The following MACF1 variants were observed in gnomAD, a reference collection of about 807,000 sequenced individuals.
MACF1 encodes microtubule actin crosslinking factor 1, also known as microtubule-actin cross-linking factor 1.
A neutral mutation model predicts 854.8 loss-of-function variants in MACF1; 193 were observed. That is an observed-to-expected ratio of 0.23 (90% CI 0.20 to 0.25). The LOEUF (loss-of-function observed/expected upper bound fraction) is 0.25, where lower values mean the gene tolerates loss of function less well. MACF1 is among the 10% of genes least tolerant of loss of function. The pLI, the probability that MACF1 is intolerant of heterozygous loss-of-function variation, is 1.00. For missense variants in MACF1, 7,722 were observed against 8,929.1 expected, an observed-to-expected ratio of 0.86 and a Z score of 5.45; for synonymous variants, 3,185 against 3,226.7, an observed-to-expected ratio of 0.99 and a Z score of 0.44.
At chr1:39,133,778 A>G (rs1643081101) in intron 2 of MACF1, among the ~76,000 whole-genome samples, 2 of 152,198 alleles carry the variant, frequency 1.3e-5, no homozygotes, top group South Asian at 4.1e-4. Context: ...TGTTTGCTGT[A>G]CAATACATCT....
intron 2 of MACF1, among the ~76,000 whole-genome samples, chr1:39,192,084 G>A (rs1644260958): frequency 6.6e-6 from 1 of 152,070 alleles, no homozygotes; most frequent in Non-Finnish European, 1.5e-5. Flanking sequence ...CTGGGAAGTG[G>A]AGATTGCAGT....
chr1:39,335,623 A>C lies in MACF1; in HGVS notation c.9035A>C (p.His3012Pro). 1 of 1,614,190 alleles carries C rather than the reference A, an allele frequency of 6.2e-7. No individual in the cohort carries two copies. The highest frequency in any genetic ancestry group is 2.2e-5 in the East Asian group (1 of 44,882). The change falls in exon 37 of 101, where the codon CAT becomes CCT. Residue 3012 changes from histidine (H) to proline (P), a missense_variant. Physicochemically the swap from His to Pro is moderately conservative, Grantham distance 77. Coordinates refer to ENST00000564288, the MANE Select transcript of MACF1 (RefSeq NM_001394062.1). ...GCCATTAGAGATGAGCATGACTCCCATATAAAGAGCCAACCTAGGGAAATG... is the reference window on the plus strand; with the variant it reads ...GCCATTAGAGATGAGCATGACTCCCCTATAAAGAGCCAACCTAGGGAAATG... ...ETAIRDEHDS[H>P]IKSQPREMTS...
chr1:39,427,928 T>C (rs1018847178), intron 62 of MACF1, 33 bp from the exon 63 acceptor site: 1 of 1,472,028 alleles, frequency 6.8e-7, no homozygotes, highest in Non-Finnish European at 9.3e-7. Context: ...TTATTTTGTT[T>C]CTGTTATTCA....
intron 97 of MACF1, among the ~76,000 whole-genome samples, chr1:39,477,137 C>CACACACAT (rs1644921620): frequency 2.0e-5 from 1 of 49,966 alleles, no homozygotes; most frequent in Non-Finnish European, 5.8e-5. Context: ...TATATATATA[C>CACACACAT]ACACACACAC....
At chr1:39,187,907 C>CTCCTCTCTCCT (rs1220451967) in intron 2 of MACF1, among the ~76,000 whole-genome samples, 114 of 14,148 alleles carry the variant, frequency 8.1e-3, no homozygotes, top group African/African-American at 0.013. Context: ...TCTCTCCTCT[C>CTCCTCTCTCCT]TCCTTCCTTC....
chr1:39,392,093 G>A (rs1264192239), intron 58 of MACF1, among the ~76,000 whole-genome samples: 2 of 152,208 alleles, frequency 1.3e-5, no homozygotes, highest in Non-Finnish European at 2.9e-5. Flanking sequence ...CAAAAGCCCT[G>A]TTCCACCTGT....
intron 2 of MACF1, among the ~76,000 whole-genome samples, chr1:39,189,673 T>G (rs1290758169): frequency 6.6e-6 from 1 of 152,202 alleles, no homozygotes; most frequent in Admixed American, 6.6e-5. Flanking sequence ...AGGTTATATT[T>G]CTTATCTATG....
chr1:39,316,354 C>G (rs1646411949), intron 27 of MACF1, 37 bp from the exon 28 acceptor site: 2 of 1,560,372 alleles, frequency 1.3e-6, no homozygotes, highest in African/African-American at 2.7e-5. Context: ...TCCTAAAATT[C>G]ATGTGTTAAT....
chr1:39,378,165 T>A (rs1218523208), intron 52 of MACF1, among the ~76,000 whole-genome samples: 1 of 152,226 alleles, frequency 6.6e-6, no homozygotes, highest in East Asian at 1.9e-4. Context: ...ATTTTACCAG[T>A]ACTTGCTTCA....
intron 2 of MACF1, among the ~76,000 whole-genome samples, chr1:39,155,334 G>C (rs1470523591): frequency 6.6e-6 from 1 of 152,202 alleles, no homozygotes; most frequent in East Asian, 1.9e-4. Flanking sequence ...AATGCACTTA[G>C]TTCAAGTGGT....
chr1:39,428,392 CTTTAT>C (rs1316933357), intron 63 of MACF1, 105 bp downstream of exon 63: 2 of 1,132,766 alleles, frequency 1.8e-6, no homozygotes, highest in Non-Finnish European at 2.5e-6. Context: ...AACACTTCAA[CTTTAT>C]TTTATACACA....
intron 22 of MACF1, among the ~76,000 whole-genome samples, chr1:39,301,859 A>G (rs1646051390): frequency 6.6e-6 from 1 of 152,088 alleles, no homozygotes; most frequent in Non-Finnish European, 1.5e-5. Flanking sequence ...TTACCTCTCT[A>G]GCCAAGACTG....
intron 2 of MACF1, among the ~76,000 whole-genome samples, chr1:39,178,695 T>A (rs2148230793): frequency 6.6e-6 from 1 of 152,274 alleles, no homozygotes; most frequent in Middle Eastern, 3.4e-3. Flanking sequence ...ATTCCAGCAG[T>A]CCTAAAGTCC....
intron 2 of MACF1, among the ~76,000 whole-genome samples, chr1:39,194,604 A>G (rs1329903193): frequency 6.6e-6 from 1 of 151,426 alleles, no homozygotes; most frequent in Non-Finnish European, 1.5e-5. Flanking sequence ...CAGCCTTTTA[A>G]TGTGCTGGGA....
intron 58 of MACF1, among the ~76,000 whole-genome samples, chr1:39,406,755 A>AC (rs1642725253): frequency 1.3e-5 from 2 of 150,856 alleles, no homozygotes; most frequent in African/African-American, 4.9e-5. Flanking sequence ...AAAAAAAAAA[A>AC]AAACATTCTT....
At position 39,084,454 on chromosome 1, in the gene MACF1, C is replaced by A; in HGVS notation, c.220+16C>A. On this transcript the variant is annotated intron_variant, in intron 2 of 93. Transcript: ENST00000361689. The surrounding 1 kb of genome is among the most constrained non-coding windows in gnomAD (Gnocchi z 5.2). The stretch of plus-strand genomic sequence containing the variant: ...AGAGTCGCTGGTAAGAGAGGTCCCC[C>A]AGCAGGCTGGACGCTGTGGGTGTGA... 7.5e-6 allele frequency: 12 copies of A among 1,599,664 alleles called. No individual in the cohort carries two copies. The highest frequency in any genetic ancestry group is 1.0e-5 in the Non-Finnish European group (12 of 1,177,150).
At chr1:39,198,030 T>C (rs984340051) in intron 2 of MACF1, among the ~76,000 whole-genome samples, 2 of 151,862 alleles carry the variant, frequency 1.3e-5, no homozygotes, top group Non-Finnish European at 2.9e-5. Context: ...AAACCCCATC[T>C]CTGCAAAAAA....
chr1:39,226,105 C>T (rs1336496608), intron 1 of MACF1, among the ~76,000 whole-genome samples: 2 of 152,064 alleles, frequency 1.3e-5, no homozygotes, highest in African/African-American at 2.4e-5. Context: ...TCTATAAAAC[C>T]CTTTTCTGAG....
intron 100 of MACF1, chr1:39,485,262 T>C (rs1018833520): frequency 1.1e-5 from 5 of 437,976 alleles, no homozygotes; most frequent in Non-Finnish European, 2.0e-5. Context: ...TGTGCTGAGG[T>C]GGTTGAGCAA....
Sources: allele counts gnomAD v4.1 joint callset (sites outside exome capture counted in the v4.1 genomes callset), GRCh38; gene constraint gnomAD v4.1.1; non-coding constraint Gnocchi (gnomAD v3.1); transcripts MANE v1.5; gene names NCBI Gene and HGNC (gene_info 2026-07-23, HGNC 2026-07-21).